The following PCCA variants were observed in gnomAD, a reference collection of about 807,000 sequenced individuals.
The protein encoded by PCCA is propionyl-CoA carboxylase subunit alpha.
PCCA carries 74 observed loss-of-function variants against 101.3 expected under a neutral mutation model. The observed-to-expected ratio is 0.73, with a 90% CI of 0.61 to 0.89. The LOEUF (loss-of-function observed/expected upper bound fraction) is 0.89. Among genes scored for constraint, PCCA ranks in the 40% least tolerant of loss-of-function variants. The probability of loss-of-function intolerance (pLI) is 0.00; values close to 1 mark genes in which losing one functional copy is unlikely to be tolerated. For missense variants in PCCA, 891 were observed against 907.0 expected, an observed-to-expected ratio of 0.98 and a Z score of 0.23; for synonymous variants, 294 against 313.6, an observed-to-expected ratio of 0.94 and a Z score of 0.66.
chr13:100,424,947 C>T lies in PCCA; in HGVS notation c.1747-686C>T, dbSNP rs142736863. Among the ~76,000 whole-genome samples the T allele has an allele frequency of 6.8e-3, 1,028 of 152,076 alleles. 12 individuals are homozygous for T. Among genetic ancestry groups the T allele is most frequent in the African/African-American group, 0.023 (964 of 41,494 alleles). ...AGTGAAAGGAAGAAAACCAATAGTT[C>T]TTTCATTTTAAATTAGCTATGATTT... On this transcript the variant is annotated intron_variant, in intron 19 of 23. Coordinates refer to ENST00000376285, the MANE Select transcript of PCCA (RefSeq NM_000282.4).
intron 4 of PCCA, among the ~76,000 whole-genome samples, chr13:100,119,209 A>G (rs1039868691): frequency 6.6e-6 from 1 of 151,958 alleles, no homozygotes; most frequent in Non-Finnish European, 1.5e-5. Context: ...TGAGGCCTTT[A>G]GTATATTTAT....
chr13:100,254,526 T>G (rs1447390095), intron 8 of PCCA, among the ~76,000 whole-genome samples: 2 of 152,174 alleles, frequency 1.3e-5, no homozygotes, highest in Non-Finnish European at 2.9e-5. Context: ...GACTAAATAT[T>G]TTTTTCCTTC....
intron 4 of PCCA, among the ~76,000 whole-genome samples, chr13:100,127,932 A>G (rs930022277): frequency 3.3e-5 from 5 of 152,054 alleles, no homozygotes; most frequent in African/African-American, 1.2e-4. Flanking sequence ...TATACAGTTT[A>G]CCTTATTCTA....
chr13:100,105,675 A>C (rs1041010196), intron 2 of PCCA, among the ~76,000 whole-genome samples: 14 of 149,648 alleles, frequency 9.4e-5, no homozygotes, highest in Non-Finnish European at 1.3e-4. Flanking sequence ...AAAAAAAAAA[A>C]AAAACACCCC....
chr13:100,101,417 T>G (rs541452739), intron 1 of PCCA, among the ~76,000 whole-genome samples: 1 of 152,192 alleles, frequency 6.6e-6, no homozygotes, highest in East Asian at 1.9e-4. Flanking sequence ...CTCACAGTTA[T>G]GCTTGAAGGA....
At chr13:100,210,691 A>G (rs914403641) in intron 7 of PCCA, among the ~76,000 whole-genome samples, 2 of 152,232 alleles carry the variant, frequency 1.3e-5, no homozygotes, top group Non-Finnish European at 1.5e-5. Flanking sequence ...GAGAGTCCTC[A>G]TGTAGAGTTT....
chr13:100,352,269 C>T (rs1033823129), intron 18 of PCCA, among the ~76,000 whole-genome samples: 11 of 152,056 alleles, frequency 7.2e-5, no homozygotes, highest in Non-Finnish European at 1.5e-4. Flanking sequence ...TTACAAGAGA[C>T]ACACTTTAGA....
At chr13:100,517,554 C>CG (rs1258021548) in intron 22 of PCCA, among the ~76,000 whole-genome samples, 1 of 152,096 alleles carries the variant, frequency 6.6e-6, no homozygotes, top group African/African-American at 2.4e-5. Context: ...GGCAGAGCAA[C>CG]GGGGCCTATA....
At chr13:100,179,402 G>A (rs1213965310) in intron 6 of PCCA, among the ~76,000 whole-genome samples, 1 of 152,124 alleles carries the variant, frequency 6.6e-6, no homozygotes, top group Non-Finnish European at 1.5e-5. Flanking sequence ...TGTACAGCTA[G>A]TATTGAATTG....
intron 9 of PCCA, 26 bp from the exon 10 acceptor site, chr13:100,262,703 C>A: frequency 9.3e-7 from 1 of 1,073,756 alleles, no homozygotes; most frequent in Non-Finnish European, 1.4e-6. Flanking sequence ...TCCCCCCCTC[C>A]TCCTTCTTCC....
chr13:100,373,165 C>A (rs752229378), intron 19 of PCCA, among the ~76,000 whole-genome samples: 2 of 152,160 alleles, frequency 1.3e-5, no homozygotes, highest in African/African-American at 4.8e-5. Context: ...ATACGCATGG[C>A]CAATAAGCAC....
intron 4 of PCCA, among the ~76,000 whole-genome samples, chr13:100,130,970 G>A (rs1347665271): frequency 2.0e-5 from 3 of 152,016 alleles, no homozygotes; most frequent in Admixed American, 2.0e-4. Context: ...TTCAATTGTG[G>A]TAAAGTATAC....
intron 9 of PCCA, among the ~76,000 whole-genome samples, chr13:100,260,747 ATTAT>A (rs1315323659): frequency 6.6e-6 from 1 of 152,104 alleles, no homozygotes; most frequent in African/African-American, 2.4e-5. Context: ...ATTAAATGAT[ATTAT>A]TTTAAAGTTG....
intron 4 of PCCA, among the ~76,000 whole-genome samples, chr13:100,124,127 A>G (rs775143853): frequency 1.3e-5 from 2 of 152,212 alleles, no homozygotes; most frequent in Non-Finnish European, 2.9e-5. Flanking sequence ...TGTCACATTT[A>G]TATCAAACTG....
rs371113202 is a variant in PCCA, at chr13:100,530,148, G to A, written c.2169G>A (p.Leu723=). Residue 723 remains leucine, a synonymous_variant, in exon 24 of 24, where the codon CTG becomes CTA. Coordinates refer to ENST00000376285, the MANE Select transcript of PCCA (RefSeq NM_000282.4). The part of the protein sequence containing the change: ...QAGDTVGEGD[L]LVELE ...GAGACACAGTTGGAGAAGGGGATCT[G>A]CTCGTGGAGCTGGAATGAAGGATTT... 22 of 1,613,836 alleles carry A rather than the reference G, an allele frequency of 1.4e-5. No individual in the cohort carries two copies. In the African/African-American group the frequency reaches 2.8e-4, roughly 21 times the overall value.
intron 6 of PCCA, among the ~76,000 whole-genome samples, chr13:100,189,370 G>A (rs1057182850): frequency 1.6e-4 from 25 of 152,166 alleles, no homozygotes; most frequent in Non-Finnish European, 2.6e-4. Context: ...TGTGTTTATC[G>A]TAGAACGATT....
Position 100,146,302 on chromosome 13 carries a change from C to T in PCCA, c.301-8677C>T, listed in dbSNP as rs868397947. ...TTAAAAATGGTTAATGGTGGCTGGG[C>T]GCGGTGGCTCATGCCTGTAATCCCA... On this transcript the variant is annotated intron_variant, in intron 4 of 23. Transcript: ENST00000376285. 2.5e-4 allele frequency among the ~76,000 whole-genome samples: 37 copies of T among 150,018 alleles called. 1 individual carries two copies. Among genetic ancestry groups the T allele is most frequent in the African/African-American group, 7.8e-4 (32 of 41,024 alleles).
chr13:100,125,134 TTTG>T (rs2049824830), intron 4 of PCCA, among the ~76,000 whole-genome samples: 2 of 86,596 alleles, frequency 2.3e-5, no homozygotes, highest in African/African-American at 8.4e-5. Flanking sequence ...TGACCTTTTA[TTTG>T]TGTGTGTGTG....
At chr13:100,294,254 T>C (rs2065349739) in intron 12 of PCCA, among the ~76,000 whole-genome samples, 1 of 152,174 alleles carries the variant, frequency 6.6e-6, no homozygotes, top group African/African-American at 2.4e-5. Context: ...CATTTTAACC[T>C]GAGCACTTCT....
Sources: allele counts gnomAD v4.1 joint callset (sites outside exome capture counted in the v4.1 genomes callset), GRCh38; gene constraint gnomAD v4.1.1; transcripts MANE v1.5; gene names NCBI Gene and HGNC (gene_info 2026-07-23, HGNC 2026-07-21).